The following NIN variants were observed in gnomAD, a reference collection of about 807,000 sequenced individuals.
NIN encodes ninein, also known as glycogen synthase kinase 3 beta-interacting protein.
NIN carries 137 observed loss-of-function variants against 257.6 expected under a neutral mutation model. That is an observed-to-expected ratio of 0.53 (90% CI 0.46 to 0.61). The LOEUF (loss-of-function observed/expected upper bound fraction) is 0.61. NIN is among the 20% of genes least tolerant of loss of function. The probability of loss-of-function intolerance (pLI) is 0.00; values close to 1 mark genes in which losing one functional copy is unlikely to be tolerated. For synonymous variants in NIN, 918 were observed against 919.8 expected, an observed-to-expected ratio of 1.00 and a Z score of 0.04; for missense variants, 2,439 against 2,501.2, an observed-to-expected ratio of 0.98 and a Z score of 0.53.
intron 6 of NIN, among the ~76,000 whole-genome samples, chr14:50,777,953 G>C (rs888540027): frequency 6.6e-6 from 1 of 152,138 alleles, no homozygotes; most frequent in Non-Finnish European, 1.5e-5. Flanking sequence ...CCACTCTTTA[G>C]TGACAGGAAT....
rs760381596 is a variant in NIN, at chr14:50,756,958, C to T, written c.4072G>A (p.Glu1358Lys). 1.2e-5 allele frequency: 20 copies of T among 1,603,888 alleles called. No individual in the cohort carries two copies. The highest frequency in any genetic ancestry group is 1.4e-5 in the Non-Finnish European group (17 of 1,174,422). Reference protein sequence around the residue: ...WEASLENLEIEPDGNILQLNQ... With the variant: ...WEASLENLEIKPDGNILQLNQ... ...AGCTGGAGTATATTTCCATCAGGTT[C>T]GATTTCCAGGTTCTCTAAACTGGCT... The change falls in exon 18 of 31, where the codon GAA (glutamate) becomes AAA (lysine). Residue 1358 changes from glutamate to lysine, a missense_variant. Transcript: ENST00000530997.
At chr14:50,820,373 G>T (rs773659246) in intron 3 of NIN, among the ~76,000 whole-genome samples, 1 of 152,152 alleles carries the variant, frequency 6.6e-6, no homozygotes, top group Non-Finnish European at 1.5e-5. Flanking sequence ...GTCTGTTTAC[G>T]GCGTGGCATT....
Position 50,722,505 on chromosome 14 carries a change from T to C in NIN, c.*958A>G, listed in dbSNP as rs912590190. The C allele has an allele frequency of 1.4e-5, 3 of 209,440 alleles. No individual in the cohort carries two copies. Among genetic ancestry groups the C allele is most frequent in the Non-Finnish European group, 2.9e-5 (3 of 102,762 alleles). The allele number at this position is 209,440 out of a possible 1,614,324, so 13.0% of individuals were successfully genotyped here. On this transcript the variant is annotated 3_prime_UTR_variant, in exon 31 of 31. Coordinates refer to ENST00000530997, the MANE Select transcript of NIN (RefSeq NM_020921.4). ...AATGAGGTCACATGGTTTATACATT[T>C]CAAATTCTTAGAGAGGCCCTACAGT... is the stretch of plus-strand genomic sequence containing the variant.
At chr14:50,812,931 T>G (rs556445700) in intron 3 of NIN, among the ~76,000 whole-genome samples, 1 of 152,306 alleles carries the variant, frequency 6.6e-6, no homozygotes, top group Non-Finnish European at 1.5e-5. Flanking sequence ...CCCAAACCAT[T>G]AGAGCAGCTT....
intron 3 of NIN, among the ~76,000 whole-genome samples, chr14:50,813,506 A>C (rs186933258): frequency 6.6e-6 from 1 of 152,356 alleles, no homozygotes; most frequent in East Asian, 1.9e-4. Context: ...ACCACCTCTT[A>C]GGAGAAATTT....
chr14:50,747,292 TCA>T (rs2041589323), intron 22 of NIN, among the ~76,000 whole-genome samples: 2 of 152,202 alleles, frequency 1.3e-5, no homozygotes, highest in Admixed American at 6.5e-5. Context: ...CTTCAGTGCC[TCA>T]CAAATCAGTG....
chr14:50,800,554 T>C (rs1272931854), intron 4 of NIN, among the ~76,000 whole-genome samples: 2 of 152,224 alleles, frequency 1.3e-5, no homozygotes, highest in Non-Finnish European at 2.9e-5. Flanking sequence ...TGTACATCTA[T>C]AATTATTTAC....
At chr14:50,824,965 CACAA>C (rs1277729817) in intron 2 of NIN, among the ~76,000 whole-genome samples, 2 of 152,224 alleles carry the variant, frequency 1.3e-5, no homozygotes, top group Non-Finnish European at 2.9e-5. Context: ...TAAATGGATT[CACAA>C]ACTTCGACTG....
chr14:50,732,066 G>A (rs1477137004), intron 28 of NIN, among the ~76,000 whole-genome samples: 1 of 152,142 alleles, frequency 6.6e-6, no homozygotes, highest in African/African-American at 2.4e-5. Flanking sequence ...AAAAAGCTCC[G>A]AAGTAGGCGT....
chr14:50,739,280 T>C (rs776089165), intron 26 of NIN, 28 bp downstream of exon 26: 14 of 1,605,782 alleles, frequency 8.7e-6, no homozygotes, highest in East Asian at 2.2e-5. Flanking sequence ...TTCAAACATA[T>C]GCCATGATGT....
chr14:50,757,752 T>C lies in NIN; in HGVS notation c.3278A>G (p.Gln1093Arg). ...CCCTGGCTCTAACTTTTGTAGCCTC[T>C]GTTGCAATCTAGAAATTTCAGTAGC... is the stretch of plus-strand genomic sequence containing the variant. ...KMATEISRLQ[Q>R]RLQKLEPGLV... Residue 1093 changes from glutamine (Q) to arginine (R), a missense_variant, in exon 18 of 31, where the codon CAG (glutamine) becomes CGG (arginine). Transcript: ENST00000530997. 1 of 1,614,236 alleles carries C rather than the reference T, an allele frequency of 6.2e-7. No individual in the cohort carries two copies. Among genetic ancestry groups the C allele is most frequent in the Non-Finnish European group, 8.5e-7 (1 of 1,180,044 alleles).
intron 28 of NIN, among the ~76,000 whole-genome samples, chr14:50,731,972 A>G (rs2040729814): frequency 6.6e-6 from 1 of 152,232 alleles, no homozygotes; most frequent in South Asian, 2.1e-4. Flanking sequence ...TCATAGAGGT[A>G]CACAAGAGAC....
At chr14:50,753,829 T>C (rs967863014) in intron 20 of NIN, among the ~76,000 whole-genome samples, 10 of 152,196 alleles carry the variant, frequency 6.6e-5, no homozygotes, top group Admixed American at 5.2e-4. Context: ...AAAAGACGCT[T>C]ATTGAATTTG....
rs2040295632 is a variant in NIN at position 50,722,786 on chromosome 14, G to A, written c.*677C>T. The A allele has an allele frequency of 9.5e-6, 2 of 211,140 alleles. No individual in the cohort carries two copies. The highest frequency in any genetic ancestry group is 1.4e-4 in the East Asian group (2 of 14,102). The allele number at this position is 211,140 out of a possible 1,614,324, so 13.1% of individuals were successfully genotyped here. On this transcript the variant is annotated 3_prime_UTR_variant, in exon 31 of 31. Transcript: ENST00000530997. Reference sequence around the variant, plus strand: ...CTTTTAAGAGAAAGAAGAAAAGGCTGTTTAAAGCAAGTAAGCTTTTAACAT... The same window carrying A: ...CTTTTAAGAGAAAGAAGAAAAGGCTATTTAAAGCAAGTAAGCTTTTAACAT...
chr14:50,753,197 C>T (rs915972324), intron 20 of NIN, among the ~76,000 whole-genome samples: 1 of 152,172 alleles, frequency 6.6e-6, no homozygotes, highest in East Asian at 1.9e-4. Context: ...GTCAGGAGTT[C>T]GAGACCAGCC....
At chr14:50,828,198 T>C (rs79895113) in intron 2 of NIN, among the ~76,000 whole-genome samples, 12,639 of 152,232 alleles carry the variant, frequency 0.083, 648 homozygotes, top group South Asian at 0.15. Context: ...ATGAGTATGG[T>C]ACCCTGAGGT....
chr14:50,754,167 T>G (rs574237907), intron 20 of NIN, among the ~76,000 whole-genome samples: 1 of 152,358 alleles, frequency 6.6e-6, no homozygotes, highest in South Asian at 2.1e-4. Context: ...ATATGCTGAT[T>G]AGCTGGCATT....
At chr14:50,723,941 T>C (rs1328137183) in intron 30 of NIN, 6 of 371,352 alleles carry the variant, frequency 1.6e-5, no homozygotes, top group Non-Finnish European at 2.4e-5. Flanking sequence ...CCAAAAGTTT[T>C]TTTTCTACCT....
At chr14:50,776,849 C>T in intron 7 of NIN, 100 bp downstream of exon 7, 1 of 1,039,142 alleles carries the variant, frequency 9.6e-7, no homozygotes, top group Non-Finnish European at 1.4e-6. Flanking sequence ...GAAAATGGAG[C>T]CTAACAAGCT....
Sources: allele counts gnomAD v4.1 joint callset (sites outside exome capture counted in the v4.1 genomes callset), GRCh38; gene constraint gnomAD v4.1.1; transcripts MANE v1.5; gene names NCBI Gene and HGNC (gene_info 2026-07-23, HGNC 2026-07-21).